The following WFDC10B variants were observed in gnomAD, a reference collection of about 807,000 sequenced individuals.
WFDC10B encodes the protein WAP four-disulfide core domain 10B.
In WFDC10B, 1 loss-of-function variant was observed where a neutral mutation model predicts 2.7. That is an observed-to-expected ratio of 0.38 (90% CI 0.13 to 1.79). The LOEUF (loss-of-function observed/expected upper bound fraction) is 1.79. WFDC10B is among the 40% of genes most tolerant of loss of function. The pLI, the probability that WFDC10B is intolerant of heterozygous loss-of-function variation, is 0.33. For missense variants in WFDC10B, 71 were observed against 87.8 expected (o/e 0.81, Z 0.76); for synonymous variants, 26 against 32.2 (o/e 0.81, Z 0.65).
At chr20:45,692,777 T>C (rs200786868) in intron 2 of WFDC10B, among the ~76,000 whole-genome samples, 28,367 of 152,150 alleles carry the variant, frequency 0.19, 2,870 homozygotes, top group East Asian at 0.29. Flanking sequence ...TTGGTTTGAA[T>C]TTCCTCCTGT....
At chr20:45,694,461 G>C (rs1983921381) in intron 2 of WFDC10B, among the ~76,000 whole-genome samples, 1 of 151,994 alleles carries the variant, frequency 6.6e-6, no homozygotes, top group South Asian at 2.1e-4. Flanking sequence ...TCGATAAAAG[G>C]GTCAATTCAT....
At chr20:45,703,933 C>T (rs980915378) in intron 2 of WFDC10B, among the ~76,000 whole-genome samples, 9 of 152,098 alleles carry the variant, frequency 5.9e-5, no homozygotes, top group Non-Finnish European at 1.2e-4. Flanking sequence ...TGATCCAGTA[C>T]CTTCAGTTTA....
chr20:45,702,291 C>T (rs1984196972), intron 2 of WFDC10B: 2 of 1,392,792 alleles, frequency 1.4e-6, no homozygotes, highest in Non-Finnish European at 2.0e-6. Flanking sequence ...GTCTGTCACA[C>T]CTCTTGGAAA....
Position 45,685,912 on chromosome 20 carries a change from C to T in WFDC10B, c.81G>A (p.Met27Ile), listed in dbSNP as rs1346505501. ...CAGCCCATCACCTACTCTGCATCCT[C>T]ATCTTGTCACGGTATCCTCCCTGGG... ...LQAQGGYRDK[M>I]RMQRIKVCEK... Residue 27 changes from methionine to isoleucine, a missense_variant, in exon 3 of 4, where the codon ATG (methionine) becomes ATA (isoleucine). By Grantham distance (10) the Met-to-Ile change is conservative (BLOSUM62 1). Coordinates refer to ENST00000330523, the MANE Select transcript of WFDC10B (RefSeq NM_172006.2). The T allele has an allele frequency of 1.2e-6, 2 of 1,613,928 alleles. No individual in the cohort carries two copies. Among genetic ancestry groups the T allele is most frequent in the Non-Finnish European group, 1.7e-6 (2 of 1,180,040 alleles).
chr20:45,687,386 C>G (rs562453596), intron 2 of WFDC10B, among the ~76,000 whole-genome samples: 1 of 152,080 alleles, frequency 6.6e-6, no homozygotes, highest in South Asian at 2.1e-4. Context: ...TGTATATGTA[C>G]CATATTTTCT....
chr20:45,702,061 A>T (rs770928423), intron 2 of WFDC10B: 53 of 1,500,620 alleles, frequency 3.5e-5, no homozygotes, highest in Non-Finnish European at 4.8e-5. Flanking sequence ...TTCTCCTCAC[A>T]GCAGTGCCTG....
intron 2 of WFDC10B, among the ~76,000 whole-genome samples, chr20:45,686,607 T>G (rs1983630668): frequency 6.6e-6 from 1 of 151,946 alleles, no homozygotes; most frequent in Non-Finnish European, 1.5e-5. Context: ...GCAGAAATCA[T>G]ATCATGAGCC....
rs921325619 is a variant in WFDC10B at position 45,684,971 on chromosome 20, G to A, written c.92-11C>T. On this transcript the variant is annotated splice_polypyrimidine_tract_variant and intron_variant, in intron 3 of 3. Coordinates refer to ENST00000330523, the MANE Select transcript of WFDC10B (RefSeq NM_172006.2). ...CACAGACCTTGATTCCTGAAATGAT[G>A]CAGGAGCAGGGTCAATGAAACCATG... 6 of 1,613,330 alleles carry A rather than the reference G, an allele frequency of 3.7e-6. No individual in the cohort carries two copies. The highest frequency in any genetic ancestry group is 5.1e-6 in the Non-Finnish European group (6 of 1,179,646).
chr20:45,688,069 C>G (rs1288515780), intron 2 of WFDC10B, among the ~76,000 whole-genome samples: 5 of 137,598 alleles, frequency 3.6e-5, no homozygotes, highest in Non-Finnish European at 7.7e-5. Context: ...GTTCCCCTTC[C>G]TGTGTCCATG....
intron 2 of WFDC10B, among the ~76,000 whole-genome samples, chr20:45,695,403 T>C (rs1422660601): frequency 6.6e-6 from 1 of 152,002 alleles, no homozygotes; most frequent in Non-Finnish European, 1.5e-5. Context: ...AATAAGGAAA[T>C]AGGGTACTAA....
chr20:45,688,277 T>A (rs1239463763), intron 2 of WFDC10B, among the ~76,000 whole-genome samples: 1 of 152,040 alleles, frequency 6.6e-6, no homozygotes, highest in Non-Finnish European at 1.5e-5. Flanking sequence ...TCTATCATTG[T>A]TGGACATTTG....
chr20:45,686,183 A>T, intron 2 of WFDC10B, 127 bp from the exon 3 acceptor site: 1 of 1,134,502 alleles, frequency 8.8e-7, no homozygotes, highest in Non-Finnish European at 1.2e-6. Flanking sequence ...GTCCTTCTCC[A>T]TGTAGGATAG....
chr20:45,702,354 T>C, intron 2 of WFDC10B: 1 of 855,014 alleles, frequency 1.2e-6, no homozygotes, highest in South Asian at 1.7e-5. Context: ...AGATCTAGGT[T>C]TGAATCCCTG....
In WFDC10B at chr20:45,697,379, A is replaced by ATTTTTT. The variant is rs869059383; in HGVS notation, c.-65+7112_-65+7117dup. 1.5e-3 allele frequency among the ~76,000 whole-genome samples: 171 copies of ATTTTTT among 113,998 alleles called. 2 individuals carry two copies. Among genetic ancestry groups the ATTTTTT allele is most frequent in the African/African-American group, 3.4e-3 (98 of 29,086 alleles). The allele number at this position is 113,998 out of a possible 152,430, so 74.8% of individuals were successfully genotyped here. Reference sequence around the variant, plus strand: ...TCAAGAAATAGAAAGACATCCCATCATTTTTTTTTTTTTTTTTTTTTTTGA... The same window carrying ATTTTTT: ...TCAAGAAATAGAAAGACATCCCATCATTTTTTTTTTTTTTTTTTTTTTTTTTTTTGA... On this transcript the variant is annotated intron_variant, in intron 2 of 3. Transcript: ENST00000330523.
rs1983605374 is a variant in WFDC10B at position 45,686,038 on chromosome 20, G to C, written c.-46C>G. The stretch of plus-strand genomic sequence containing the variant: ...CCCTAAGTCTGGCCAGGCAGTCACA[G>C]ACTTCCCTGCAGAGCTGCCTGTGGA... On this transcript the variant is annotated 5_prime_UTR_variant, in exon 3 of 4. Transcript: ENST00000330523. 6.2e-7 allele frequency: 1 copy of C among 1,603,392 alleles called. No individual in the cohort carries two copies. Among genetic ancestry groups the C allele is most frequent in the Non-Finnish European group, 8.5e-7 (1 of 1,174,704 alleles).
chr20:45,700,157 A>G (rs150093695), intron 2 of WFDC10B, among the ~76,000 whole-genome samples: 1 of 152,354 alleles, frequency 6.6e-6, no homozygotes, highest in African/African-American at 2.4e-5. Context: ...TGTATGTCAA[A>G]TGCAGCTGTA....
intron 2 of WFDC10B, among the ~76,000 whole-genome samples, chr20:45,686,291 GCTTT>G (rs1389049574): frequency 1.3e-5 from 2 of 151,964 alleles, no homozygotes; most frequent in East Asian, 1.9e-4. Flanking sequence ...CTTTATTTCT[GCTTT>G]CTAATTATAA....
At chr20:45,704,070 A>G (rs1290178545) in intron 2 of WFDC10B, among the ~76,000 whole-genome samples, 4 of 152,174 alleles carry the variant, frequency 2.6e-5, no homozygotes, top group African/African-American at 7.2e-5. Context: ...CTTGCTCAAG[A>G]CCACACAATG....
intron 2 of WFDC10B, among the ~76,000 whole-genome samples, chr20:45,703,662 G>A (rs62207176): frequency 2.6e-5 from 4 of 152,060 alleles, no homozygotes; most frequent in Admixed American, 2.0e-4. Flanking sequence ...TGTGGACTTA[G>A]GGAAGACTCT....
Sources: allele counts gnomAD v4.1 joint callset (sites outside exome capture counted in the v4.1 genomes callset), GRCh38; gene constraint gnomAD v4.1.1; transcripts MANE v1.5; gene names NCBI Gene and HGNC (gene_info 2026-07-23, HGNC 2026-07-21).